Variants in EHBP1 observed in about 807,000 individuals in gnomAD.
EHBP1 encodes EH domain-binding protein 1.
In EHBP1, 55 loss-of-function variants were observed where a neutral mutation model predicts 144.0. The observed-to-expected ratio is 0.38, with a 90% CI of 0.31 to 0.48. The LOEUF (loss-of-function observed/expected upper bound fraction) is 0.48, where lower values mean the gene tolerates loss of function less well. Among genes scored for constraint, EHBP1 ranks in the 20% least tolerant of loss-of-function variants. The pLI, the probability that EHBP1 is intolerant of heterozygous loss-of-function variation, is 0.98. For missense variants in EHBP1, 1,200 were observed against 1,364.2 expected (o/e 0.88, Z 1.90); for synonymous variants, 469 against 472.7 (o/e 0.99, Z 0.10).
intron 19 of EHBP1, among the ~76,000 whole-genome samples, chr2:63,013,804 CA>C (rs1259804707): frequency 6.6e-6 from 1 of 152,182 alleles, no homozygotes. Flanking sequence ...AAGAGTACAA[CA>C]GGGGGTTGGG....
chr2:62,901,536 C>T (rs1376907315), intron 10 of EHBP1, among the ~76,000 whole-genome samples: 1 of 151,566 alleles, frequency 6.6e-6, no homozygotes, highest in African/African-American at 2.4e-5. Flanking sequence ...GTTGGAGATG[C>T]TATTTTATAG....
chr2:62,757,847 G>C (rs948213405), intron 3 of EHBP1, among the ~76,000 whole-genome samples: 1 of 151,940 alleles, frequency 6.6e-6, no homozygotes, highest in Non-Finnish European at 1.5e-5. Flanking sequence ...AGATAGGTCA[G>C]TTCATTACCT....
At chr2:63,012,603 A>G (rs565392944) in intron 19 of EHBP1, among the ~76,000 whole-genome samples, 3 of 152,192 alleles carry the variant, frequency 2.0e-5, no homozygotes, top group Non-Finnish European at 4.4e-5. Flanking sequence ...TGTGTGTGCC[A>G]TATGTAGAAG....
intron 1 of EHBP1, among the ~76,000 whole-genome samples, chr2:62,691,727 C>T (rs115346626): frequency 0.02 from 3,021 of 152,170 alleles, 103 homozygotes; most frequent in African/African-American, 0.069. Flanking sequence ...GGTTGGAGGC[C>T]AGGAAAAACT....
In EHBP1 at chr2:62,831,163, G is replaced by T. The variant is rs1386359783; in HGVS notation, c.634+5G>T. 6.3e-7 allele frequency: 1 copy of T among 1,587,222 alleles called. No individual in the cohort carries two copies. Among genetic ancestry groups the T allele is most frequent in the Non-Finnish European group, 8.5e-7 (1 of 1,171,110 alleles). On this transcript the variant is annotated splice_donor_5th_base_variant and intron_variant, in intron 7 of 22. Coordinates refer to ENST00000431489, the MANE Select transcript of EHBP1 (RefSeq NM_001142616.3). The stretch of plus-strand genomic sequence containing the variant: ...AAAAGGCAGCTAAAATTACAGGTTG[G>T]TTTTATTAGCATTAAACTAAAAGTT...
Position 62,855,341 on chromosome 2 carries a change from C to T in EHBP1, c.635-3828C>T, listed in dbSNP as rs544387440. Among the ~76,000 whole-genome samples, 20 of 152,274 alleles carry T rather than the reference C, an allele frequency of 1.3e-4. No individual in the cohort carries two copies. The South Asian group carries it at 2.9e-3, about 22-fold the overall frequency. ...CAGACCCCTTCTGGATTTTGGGCAC[C>T]GATGAGCATAGGAGGGGAGCTGATG... On this transcript the variant is annotated intron_variant, in intron 7 of 22. Transcript: ENST00000431489.
chr2:62,899,855 G>A (rs928811738), intron 10 of EHBP1, among the ~76,000 whole-genome samples: 4 of 152,142 alleles, frequency 2.6e-5, no homozygotes, highest in African/African-American at 9.7e-5. Context: ...ATTCTCCATA[G>A]TCTCCACAAC....
chr2:62,678,584 A>G (rs1338685828), intron 1 of EHBP1, among the ~76,000 whole-genome samples: 3 of 152,208 alleles, frequency 2.0e-5, no homozygotes, highest in African/African-American at 4.8e-5. Flanking sequence ...ATTCATATAC[A>G]TTAGCTTATT....
chr2:62,678,658 A>G (rs995133352), intron 1 of EHBP1, among the ~76,000 whole-genome samples: 3 of 152,116 alleles, frequency 2.0e-5, no homozygotes, highest in African/African-American at 7.2e-5. Flanking sequence ...TTTATTATTA[A>G]AAGTTATAAT....
intron 5 of EHBP1, among the ~76,000 whole-genome samples, chr2:62,818,826 T>C (rs2045646141): frequency 6.6e-6 from 1 of 152,156 alleles, no homozygotes; most frequent in Non-Finnish European, 1.5e-5. Context: ...ATAAATAGTA[T>C]TGGTAATGAA....
intron 4 of EHBP1, among the ~76,000 whole-genome samples, chr2:62,770,293 T>C (rs1351816471): frequency 1.3e-5 from 2 of 151,966 alleles, no homozygotes; most frequent in African/African-American, 4.8e-5. Context: ...ATATCCAGCA[T>C]CTCTAAGGAA....
chr2:62,890,800 G>A (rs2052395598), intron 10 of EHBP1, among the ~76,000 whole-genome samples: 1 of 152,194 alleles, frequency 6.6e-6, no homozygotes, highest in South Asian at 2.1e-4. Context: ...TCAAACTAAA[G>A]CATGTTTTCA....
chr2:62,988,848 C>G (rs1351575458), intron 15 of EHBP1, among the ~76,000 whole-genome samples: 2 of 152,072 alleles, frequency 1.3e-5, no homozygotes, highest in African/African-American at 4.8e-5. Flanking sequence ...CTGTAAAAAG[C>G]TAAAGGGAGT....
chr2:62,884,709 T>G (rs1044717124), intron 10 of EHBP1, among the ~76,000 whole-genome samples: 2 of 152,148 alleles, frequency 1.3e-5, no homozygotes, highest in Non-Finnish European at 2.9e-5. Context: ...AAATGATAAA[T>G]GGAAGCCAAG....
chr2:62,724,638 A>G (rs1207935441), intron 2 of EHBP1, among the ~76,000 whole-genome samples: 1 of 149,982 alleles, frequency 6.7e-6, no homozygotes, highest in African/African-American at 2.5e-5. Context: ...TCACCTTTGG[A>G]TAGTTTTTTT....
intron 12 of EHBP1, 60 bp from the exon 13 acceptor site, chr2:62,948,200 T>C: frequency 7.1e-7 from 1 of 1,406,182 alleles, no homozygotes; most frequent in Non-Finnish European, 9.4e-7. Flanking sequence ...TGTGCTCTTT[T>C]TAAAATGTGT....
intron 14 of EHBP1, among the ~76,000 whole-genome samples, chr2:62,972,290 A>C (rs899925873): frequency 2.6e-5 from 4 of 152,198 alleles, no homozygotes; most frequent in Admixed American, 1.3e-4. Flanking sequence ...GCTGAACGCT[A>C]TACAGAAATA....
chr2:62,694,132 A>G (rs2034000663), intron 1 of EHBP1, among the ~76,000 whole-genome samples: 1 of 152,194 alleles, frequency 6.6e-6, no homozygotes, highest in Non-Finnish European at 1.5e-5. Flanking sequence ...ATTTTCAAAG[A>G]ACATTAAAGA....
At chr2:62,835,786 G>C (rs890204728) in intron 7 of EHBP1, among the ~76,000 whole-genome samples, 1 of 152,170 alleles carries the variant, frequency 6.6e-6, no homozygotes, top group African/African-American at 2.4e-5. Flanking sequence ...TTTCAGACCG[G>C]CTTAAAAAAC....
Sources: gnomAD v4.1 joint callset for allele counts (sites outside exome capture counted in the v4.1 genomes callset) on GRCh38, gnomAD v4.1.1 for gene constraint, MANE v1.5 for transcripts, NCBI Gene and HGNC (gene_info 2026-07-23, HGNC 2026-07-21) for gene names.